Variants in TMEM11 observed in about 807,000 individuals in gnomAD.
TMEM11 encodes transmembrane protein 11.
A neutral mutation model predicts 17.0 loss-of-function variants in TMEM11; 1 was observed. The observed-to-expected ratio is 0.06, with a 90% CI of 0.02 to 0.28. The LOEUF is 0.28. Among genes scored for constraint, TMEM11 ranks in the 10% least tolerant of loss-of-function variants. The pLI, the probability that TMEM11 is intolerant of heterozygous loss-of-function variation, is 1.00. For missense variants in TMEM11, 172 were observed against 252.9 expected, an observed-to-expected ratio of 0.68 and a Z score of 2.17; for synonymous variants, 122 against 118.1, an observed-to-expected ratio of 1.03 and a Z score of -0.21.
intron 1 of TMEM11, among the ~76,000 whole-genome samples, chr17:21,207,454 G>A (rs531275397): frequency 9.6e-4 from 146 of 152,084 alleles, no homozygotes; most frequent in African/African-American, 3.0e-3. Flanking sequence ...CTTGAACCCC[G>A]GAGGCAGAAG....
At chr17:21,212,317 A>G (rs1241395797) in intron 1 of TMEM11, among the ~76,000 whole-genome samples, 1 of 152,188 alleles carries the variant, frequency 6.6e-6, no homozygotes, top group African/African-American at 2.4e-5. Context: ...ACACCTACAG[A>G]GACCAAGCAG....
Position 21,198,310 on chromosome 17 carries a change from C to T in TMEM11, c.*14G>A, listed in dbSNP as rs900014117. The T allele has an allele frequency of 3.1e-6, 5 of 1,600,936 alleles. No individual in the cohort carries two copies. In the African/African-American group the frequency reaches 4.0e-5, roughly 13 times the overall value. ...GGGCCGGGTGGTTTTGCTTCGCTCCCTGTTCTACTGAAATCATACGGCATA... is the reference window on the plus strand; with the variant it reads ...GGGCCGGGTGGTTTTGCTTCGCTCCTTGTTCTACTGAAATCATACGGCATA... On this transcript the variant is annotated 3_prime_UTR_variant, in exon 2 of 2. Coordinates refer to ENST00000317635, the MANE Select transcript of TMEM11 (RefSeq NM_003876.3). This position sits in a 1 kb window ranked among gnomAD's most constrained non-coding sequence, Gnocchi z 6.5.
At chr17:21,206,325 G>A (rs959221719) in intron 1 of TMEM11, among the ~76,000 whole-genome samples, 1 of 151,966 alleles carries the variant, frequency 6.6e-6, no homozygotes, top group African/African-American at 2.4e-5. Flanking sequence ...GGGCTTAAGC[G>A]AGTCTCCTGC....
intron 1 of TMEM11, among the ~76,000 whole-genome samples, chr17:21,199,735 C>T (rs1333792502): frequency 6.6e-6 from 1 of 152,222 alleles, no homozygotes; most frequent in Non-Finnish European, 1.5e-5. Context: ...TGCACAAGCC[C>T]TGGGTGCCCT....
At chr17:21,204,688 G>A (rs965100976) in intron 1 of TMEM11, among the ~76,000 whole-genome samples, 2 of 152,066 alleles carry the variant, frequency 1.3e-5, no homozygotes, top group African/African-American at 4.8e-5. Flanking sequence ...AAGGAAGGGA[G>A]GCTCTTTCTA....
chr17:21,208,889 G>A (rs1974973032), intron 1 of TMEM11, among the ~76,000 whole-genome samples: 1 of 152,198 alleles, frequency 6.6e-6, no homozygotes, highest in African/African-American at 2.4e-5. Context: ...AAGAGAACTG[G>A]TACCAGAAAA....
chr17:21,209,225 C>T (rs571267146), intron 1 of TMEM11, among the ~76,000 whole-genome samples: 144 of 152,332 alleles, frequency 9.5e-4, no homozygotes, highest in African/African-American at 3.0e-3. Context: ...AGCAGGAACA[C>T]GGCGCACCAA....
At chr17:21,210,263 A>G (rs1974988021) in intron 1 of TMEM11, among the ~76,000 whole-genome samples, 1 of 152,158 alleles carries the variant, frequency 6.6e-6, no homozygotes, top group Non-Finnish European at 1.5e-5. Flanking sequence ...GAAAACTTGA[A>G]GGCACATCAA....
At chr17:21,205,161 T>C (rs980104744) in intron 1 of TMEM11, among the ~76,000 whole-genome samples, 2 of 151,980 alleles carry the variant, frequency 1.3e-5, no homozygotes, top group Non-Finnish European at 2.9e-5. Flanking sequence ...CCCTCTGGGA[T>C]GTGGGCAGCC....
rs140648624 is a variant in TMEM11 at position 21,198,447 on chromosome 17, G to A, written c.456C>T (p.Thr152=). The A allele has an allele frequency of 7.3e-5, 118 of 1,614,140 alleles. No individual in the cohort carries two copies. Among genetic ancestry groups the A allele is most frequent in the Non-Finnish European group, 9.8e-5 (116 of 1,180,062 alleles). The change falls in exon 2 of 2, where the codon ACC becomes ACT. Residue 152 remains threonine (T), a synonymous_variant. Transcript: ENST00000317635. This position sits in a 1 kb window ranked among gnomAD's most constrained non-coding sequence, Gnocchi z 6.5. ...GGACCAGCACCACCGGGGTGGAGGAGGTGAGTGTGTGCAGAGGCAGGCGCG... is the reference window on the plus strand; with the variant it reads ...GGACCAGCACCACCGGGGTGGAGGAAGTGAGTGTGTGCAGAGGCAGGCGCG... The part of the protein sequence containing the change: ...KLSRLPLHTL[T]SSTPVVLVRK...
At chr17:21,209,272 C>T (rs1053082252) in intron 1 of TMEM11, among the ~76,000 whole-genome samples, 53 of 152,170 alleles carry the variant, frequency 3.5e-4, no homozygotes, top group African/African-American at 1.2e-3. Flanking sequence ...AGTTCCCTCT[C>T]GGCTGCCTAC....
At chr17:21,203,845 C>T (rs1319814779) in intron 1 of TMEM11, among the ~76,000 whole-genome samples, 5 of 151,800 alleles carry the variant, frequency 3.3e-5, no homozygotes, top group Non-Finnish European at 5.9e-5. Context: ...AGAACCCAGT[C>T]AGAAGGTTAT....
intron 1 of TMEM11, among the ~76,000 whole-genome samples, chr17:21,204,428 G>A (rs138738374): frequency 1.4e-3 from 138 of 101,672 alleles, no homozygotes; most frequent in African/African-American, 5.4e-3. Context: ...GTAAAACTCC[G>A]TCTCAATAAA....
chr17:21,211,610 C>T (rs966395790), intron 1 of TMEM11, among the ~76,000 whole-genome samples: 2 of 152,244 alleles, frequency 1.3e-5, no homozygotes, highest in African/African-American at 4.8e-5. Flanking sequence ...CCATCCAACA[C>T]ACAGCGCCGG....
intron 1 of TMEM11, chr17:21,213,887 T>C: frequency 1.8e-6 from 1 of 562,284 alleles, no homozygotes; most frequent in East Asian, 3.2e-5. Flanking sequence ...TAACGCCCCT[T>C]CCCCTAAGCT....
chr17:21,213,921 CTCCCACCCGGA>C, intron 1 of TMEM11, 159 bp downstream of exon 1: 1 of 668,720 alleles, frequency 1.5e-6, no homozygotes, highest in Non-Finnish European at 2.5e-6. Context: ...TTCGACCTCG[CTCCCACCCGGA>C]TCCCGGATCC....
chr17:21,213,688 T>C (rs943712099), intron 1 of TMEM11: 5 of 211,092 alleles, frequency 2.4e-5, no homozygotes, highest in Non-Finnish European at 4.8e-5. Context: ...CCTGCCTTCC[T>C]CTACACGTCT....
intron 1 of TMEM11, among the ~76,000 whole-genome samples, chr17:21,203,978 T>A (rs368900817): frequency 1.8e-3 from 183 of 101,230 alleles, no homozygotes; most frequent in African/African-American, 4.4e-3. Flanking sequence ...TTTTTTTTTT[T>A]AAATTATATG....
At chr17:21,206,623 ACCT>A (rs1158869061) in intron 1 of TMEM11, among the ~76,000 whole-genome samples, 1 of 150,392 alleles carries the variant, frequency 6.6e-6, no homozygotes, top group Admixed American at 6.6e-5. Flanking sequence ...TGCAACCTCC[ACCT>A]CCTGGGTTCA....
Sources: gnomAD v4.1 joint callset for allele counts (sites outside exome capture counted in the v4.1 genomes callset) on GRCh38, gnomAD v4.1.1 for gene constraint, Gnocchi (gnomAD v3.1) non-coding constraint, MANE v1.5 for transcripts, NCBI Gene and HGNC (gene_info 2026-07-23, HGNC 2026-07-21) for gene names.